Variants in ZNF474 observed in about 807,000 individuals in gnomAD.
ZNF474 encodes 4933409D10Rik.
For missense variants in ZNF474, 511 were observed against 433.8 expected (o/e 1.18, Z -1.58); for synonymous variants, 192 against 162.2 (o/e 1.18, Z -1.39).
intron 1 of ZNF474, among the ~76,000 whole-genome samples, chr5:122,133,109 T>A (rs1303037963): frequency 6.6e-6 from 1 of 152,156 alleles, no homozygotes; most frequent in Non-Finnish European, 1.5e-5. Context: ...GGAATCATAA[T>A]CCCAGTGAAA....
chr5:122,130,971 G>A (rs1303913344), intron 1 of ZNF474, among the ~76,000 whole-genome samples: 2 of 152,050 alleles, frequency 1.3e-5, no homozygotes, highest in East Asian at 3.9e-4. Flanking sequence ...ATAGCTGAAG[G>A]TTTGTACCCT....
At chr5:122,148,963 C>T (rs559260788) in intron 1 of ZNF474, among the ~76,000 whole-genome samples, 1 of 152,256 alleles carries the variant, frequency 6.6e-6, no homozygotes, top group African/African-American at 2.4e-5. Context: ...CTCCAGACCT[C>T]AGGTGATCCG....
intron 1 of ZNF474, among the ~76,000 whole-genome samples, chr5:122,149,781 G>A (rs1756114738): frequency 6.6e-6 from 1 of 152,132 alleles, no homozygotes; most frequent in Admixed American, 6.5e-5. Context: ...TTGGCATTCA[G>A]TAAATATTAC....
intron 1 of ZNF474, 74 bp from the exon 2 acceptor site, chr5:122,151,705 A>AGTGTG (rs1554065528): frequency 9.9e-6 from 2 of 201,434 alleles, no homozygotes; most frequent in Admixed American, 5.6e-5. Flanking sequence ...AACAACCTAA[A>AGTGTG]TGTGTGTGTG....
chr5:122,144,461 A>G (rs894536374), intron 1 of ZNF474, among the ~76,000 whole-genome samples: 18 of 152,210 alleles, frequency 1.2e-4, no homozygotes, highest in African/African-American at 3.9e-4. Flanking sequence ...GTTGCCACAC[A>G]GGAATGTGGG....
At chr5:122,132,163 T>C (rs1438305501) in intron 1 of ZNF474, among the ~76,000 whole-genome samples, 2 of 152,138 alleles carry the variant, frequency 1.3e-5, no homozygotes, top group Non-Finnish European at 2.9e-5. Flanking sequence ...TATTAGTAGT[T>C]TGTTCATTTG....
chr5:122,147,768 C>G (rs1756029609), intron 1 of ZNF474: 1 of 152,148 alleles, frequency 6.6e-6, no homozygotes, highest in African/African-American at 2.4e-5. Flanking sequence ...TGTTCTGTTC[C>G]CTCTCTTTTA....
At position 122,151,769 on chromosome 5, in the gene ZNF474, G is replaced by A. The variant is rs541587253; in HGVS notation, c.-212-10G>A. 1.5e-4 allele frequency: 73 copies of A among 471,584 alleles called. No individual in the cohort carries two copies. The highest frequency in any genetic ancestry group is 8.1e-4 in the South Asian group (29 of 35,844). The allele number at this position is 471,584 out of a possible 1,614,324, so 29.2% of individuals were successfully genotyped here. ...TAATAACTTCTTATGTCTCCCACCC[G>A]CCTCCACAGATCTTGGAGACATCTC... On this transcript the variant is annotated splice_polypyrimidine_tract_variant and intron_variant, in intron 1 of 1. Coordinates refer to ENST00000296600, the MANE Select transcript of ZNF474 (RefSeq NM_207317.3).
chr5:122,139,807 A>G (rs1755789540), intron 1 of ZNF474, among the ~76,000 whole-genome samples: 1 of 152,220 alleles, frequency 6.6e-6, no homozygotes, highest in Admixed American at 6.5e-5. Flanking sequence ...CTGCCCTGGG[A>G]TCCAGAGTAA....
intron 1 of ZNF474, among the ~76,000 whole-genome samples, chr5:122,148,464 A>G (rs1756050030): frequency 1.3e-5 from 2 of 152,196 alleles, no homozygotes; most frequent in Admixed American, 1.3e-4. Flanking sequence ...GGTAAGATCT[A>G]TCCCTAATCA....
At chr5:122,136,711 G>A (rs941215739) in intron 1 of ZNF474, among the ~76,000 whole-genome samples, 1 of 152,112 alleles carries the variant, frequency 6.6e-6, no homozygotes. Context: ...AAATGAACAA[G>A]AATTAAATGA....
chr5:122,136,694 A>G (rs1234333593), intron 1 of ZNF474, among the ~76,000 whole-genome samples: 1 of 152,246 alleles, frequency 6.6e-6, no homozygotes, highest in Non-Finnish European at 1.5e-5. Context: ...TTGAGATAGT[A>G]TTATAAAAAT....
At chr5:122,146,728 T>C (rs1387283491) in intron 1 of ZNF474, among the ~76,000 whole-genome samples, 2 of 152,194 alleles carry the variant, frequency 1.3e-5, no homozygotes, top group African/African-American at 4.8e-5. Context: ...ACTCCAGGGC[T>C]TCTATGATGG....
chr5:122,141,300 A>ATTTTTTTTTTTTTTTTTTTT (rs368273210), intron 1 of ZNF474, among the ~76,000 whole-genome samples: 4 of 64,360 alleles, frequency 6.2e-5, no homozygotes, highest in South Asian at 1.6e-3. Context: ...ACCCCTGGCT[A>ATTTTTTTTTTTTTTTTTTTT]TTTTTTTTTT....
intron 1 of ZNF474, among the ~76,000 whole-genome samples, chr5:122,135,832 A>T (rs1261988261): frequency 6.6e-6 from 1 of 152,174 alleles, no homozygotes; most frequent in African/African-American, 2.4e-5. Flanking sequence ...AAATCCTGTC[A>T]TTTACAACAA....
chr5:122,140,896 T>C (rs1317203099), intron 1 of ZNF474, among the ~76,000 whole-genome samples: 1 of 152,100 alleles, frequency 6.6e-6, no homozygotes, highest in Non-Finnish European at 1.5e-5. Flanking sequence ...GCTTTGCTCA[T>C]GTTTATGTAG....
rs1452183924 is a variant in ZNF474, at chr5:122,153,428, C to T, written c.*343C>T. 2.7e-5 allele frequency: 6 copies of T among 224,790 alleles called. No individual in the cohort carries two copies. The highest frequency in any genetic ancestry group is 1.1e-4 in the Admixed American group (2 of 18,780). The allele number at this position is 224,790 out of a possible 1,614,324, so 13.9% of individuals were successfully genotyped here. ...CATTCCAACAGCCAATATTTATTGT[C>T]GGTTTATTTTAGTCATCTACCTTAG... On this transcript the variant is annotated 3_prime_UTR_variant, in exon 2 of 2. Transcript: ENST00000296600.
intron 1 of ZNF474, among the ~76,000 whole-genome samples, chr5:122,150,146 G>A (rs920325874): frequency 2.0e-5 from 3 of 152,078 alleles, no homozygotes; most frequent in African/African-American, 7.2e-5. Flanking sequence ...ATAACCCACG[G>A]GCTGGATTTA....
chr5:122,152,061 C>G lies in ZNF474; in HGVS notation c.71C>G (p.Thr24Ser). The change falls in exon 2 of 2, where the codon ACT (threonine) becomes AGT (serine). Residue 24 changes from threonine (T) to serine (S), a missense_variant. Thr to Ser is a moderately conservative substitution (Grantham distance 58). Transcript: ENST00000296600. ...ACTTTTCACCATTCTAAAGAACCCA[C>G]TTTCCTTATCAACCAAGCTGGGCTT... is the stretch of plus-strand genomic sequence containing the variant. ...QQTFHHSKEP[T>S]FLINQAGLLS... 1 of 1,614,148 alleles carries G rather than the reference C, an allele frequency of 6.2e-7. No individual in the cohort carries two copies. Among genetic ancestry groups the G allele is most frequent in the Non-Finnish European group, 8.5e-7 (1 of 1,180,020 alleles).
Sources: gnomAD v4.1 joint callset for allele counts (sites outside exome capture counted in the v4.1 genomes callset) on GRCh38, gnomAD v4.1.1 for gene constraint, MANE v1.5 for transcripts, NCBI Gene and HGNC (gene_info 2026-07-23, HGNC 2026-07-21) for gene names.